HERC2: variants seen among roughly 807,000 people sequenced by gnomAD.
The protein encoded by HERC2 is HECT and RLD domain containing E3 ubiquitin protein ligase 2.
Under a neutral mutation model 537.7 loss-of-function variants are expected in HERC2, and 102 were observed. That is an observed-to-expected ratio of 0.19 (90% CI 0.16 to 0.22). The LOEUF (loss-of-function observed/expected upper bound fraction) is 0.22. Among genes scored for constraint, HERC2 ranks in the 10% least tolerant of loss-of-function variants. HERC2 has a pLI of 1.00. For missense variants in HERC2, 4,236 were observed against 6,198.2 expected (o/e 0.68, Z 10.63); for synonymous variants, 2,224 against 2,466.2 (o/e 0.90, Z 2.91).
chr15:28,288,260 T>A (rs1238929051), intron 4 of HERC2, among the ~76,000 whole-genome samples: 2 of 152,092 alleles, frequency 1.3e-5, no homozygotes, highest in East Asian at 3.9e-4. Context: ...AAAACTTTTT[T>A]CTGGCCAGCC....
chr15:28,223,519 C>T (rs895605012), intron 35 of HERC2, among the ~76,000 whole-genome samples: 1 of 152,050 alleles, frequency 6.6e-6, no homozygotes, highest in Non-Finnish European at 1.5e-5. Flanking sequence ...CTTTAGGGCC[C>T]CCAGGAAGGG....
intron 59 of HERC2, 93 bp downstream of exon 59, chr15:28,178,794 G>A (rs2140168896): frequency 7.5e-7 from 1 of 1,333,120 alleles, no homozygotes; most frequent in South Asian, 1.6e-5. Context: ...AAAAACTTAA[G>A]AAAGAATGTA....
At position 28,111,485 on chromosome 15, in the gene HERC2, A is replaced by C; in HGVS notation, c.*278T>G. ...GGATGCTGCAATTTGGTATTTATATAAACATTTACACACTTTAGTAAACAC... is the reference window on the plus strand; with the variant it reads ...GGATGCTGCAATTTGGTATTTATATCAACATTTACACACTTTAGTAAACAC... On this transcript the variant is annotated 3_prime_UTR_variant, in exon 93 of 93. Coordinates refer to ENST00000261609, the MANE Select transcript of HERC2 (RefSeq NM_004667.6). The C allele has an allele frequency of 2.4e-6, 1 of 413,990 alleles. No individual in the cohort carries two copies. The highest frequency in any genetic ancestry group is 8.8e-5 in the South Asian group (1 of 11,364). The allele number at this position is 413,990 out of a possible 1,614,324, so 25.6% of individuals were successfully genotyped here. A position where few individuals can be genotyped will look rare whatever the true frequency, so the allele number is the denominator to read the frequency against.
chr15:28,218,190 G>T (rs1261118139), intron 38 of HERC2, among the ~76,000 whole-genome samples: 1 of 151,594 alleles, frequency 6.6e-6, no homozygotes, highest in East Asian at 1.9e-4. Flanking sequence ...GGCAGAGATA[G>T]GGGTGACACC....
intron 38 of HERC2, 55 bp from the exon 39 acceptor site, chr15:28,215,857 A>G (rs1899842336): frequency 1.4e-5 from 15 of 1,080,550 alleles, no homozygotes; most frequent in South Asian, 1.1e-4. Context: ...ACAAATCCCT[A>G]AAGATATATC....
intron 2 of HERC2, among the ~76,000 whole-genome samples, chr15:28,319,927 G>C (rs1167643759): frequency 1.3e-5 from 2 of 152,168 alleles, no homozygotes; most frequent in Non-Finnish European, 2.9e-5. Context: ...CAGGATTTCA[G>C]AAATATGAAA....
rs754762182 is a variant in HERC2 at position 28,265,704 on chromosome 15, A to G, written c.1784T>C (p.Met595Thr). 6.2e-7 allele frequency: 1 copy of G among 1,614,216 alleles called. No homozygotes were observed. The highest frequency in any genetic ancestry group is 2.2e-5 in the East Asian group (1 of 44,872). The change falls in exon 14 of 93, where the codon ATG becomes ACG. Residue 595 changes from methionine to threonine, a missense_variant. By Grantham distance (81) the Met-to-Thr change is moderately conservative. Coordinates refer to ENST00000261609, the MANE Select transcript of HERC2 (RefSeq NM_004667.6). This position sits in a 1 kb window ranked among gnomAD's most constrained non-coding sequence, Gnocchi z 4.0. ...HGSSEDEAIP[M>T]LVAGLKGLKV... is the part of the protein sequence containing the mutation. ...CAGTCCTTTAAGCCCGGCTACCAGC[A>G]TCGGAATGGCCTCGTCCTCACTGGA...
Position 28,257,069 on chromosome 15 carries a change from G to C in HERC2, c.2509C>G (p.Arg837Gly). The change falls in exon 17 of 93, where the codon CGA becomes GGA. Residue 837 changes from arginine to glycine, a missense_variant. This residue lies in a region of HERC2 where 754 missense variants were observed against 1,085.0 expected (regional missense o/e 0.69). Transcript: ENST00000261609. The stretch of plus-strand genomic sequence containing the variant: ...AGGGAAATCATGAATACCTGAAGTC[G>C]TAGAAGATTCAGCGTTGCCACGGCC... ...CVAVATLNLL[R>G]LQLHAAISHQ... The C allele has an allele frequency of 6.2e-7, 1 of 1,613,180 alleles. No homozygotes were observed. The highest frequency in any genetic ancestry group is 8.5e-7 in the Non-Finnish European group (1 of 1,179,168).
intron 69 of HERC2, among the ~76,000 whole-genome samples, chr15:28,161,078 G>A (rs1031365226): frequency 6.6e-6 from 1 of 152,172 alleles, no homozygotes; most frequent in Non-Finnish European, 1.5e-5. Flanking sequence ...AATAGCAGAT[G>A]AAGAAATAAC....
intron 65 of HERC2, 74 bp from the exon 66 acceptor site, chr15:28,169,729 C>T: frequency 8.3e-6 from 12 of 1,440,650 alleles, no homozygotes; most frequent in Non-Finnish European, 1.1e-5. Flanking sequence ...TCTGACCTTA[C>T]AGGTTAGTTC....
intron 2 of HERC2, chr15:28,312,970 A>G (rs1216688073): frequency 6.3e-6 from 1 of 159,110 alleles, no homozygotes; most frequent in Non-Finnish European, 1.4e-5. Context: ...ACTAAACTGA[A>G]GCTCAGAAGG....
At chr15:28,314,388 A>G (rs2077026092) in intron 2 of HERC2, among the ~76,000 whole-genome samples, 2 of 152,222 alleles carry the variant, frequency 1.3e-5, no homozygotes, top group South Asian at 4.1e-4. Flanking sequence ...AAAGTGAGAC[A>G]AGGAGATCAA....
At chr15:28,130,804 C>G (rs1890031491) in intron 81 of HERC2, among the ~76,000 whole-genome samples, 1 of 152,246 alleles carries the variant, frequency 6.6e-6, no homozygotes, top group African/African-American at 2.4e-5. Context: ...CGTTGGCACA[C>G]TGTGGCCCGG....
chr15:28,242,907 T>C (rs1206065602), intron 23 of HERC2, among the ~76,000 whole-genome samples: 1 of 152,176 alleles, frequency 6.6e-6, no homozygotes, highest in African/African-American at 2.4e-5. Context: ...ATCCTTAAGA[T>C]TCAAAAGTAC....
chr15:28,129,974 C>T (rs1186848555), intron 83 of HERC2, among the ~76,000 whole-genome samples, 189 bp downstream of exon 83: 1 of 152,082 alleles, frequency 6.6e-6, no homozygotes, highest in African/African-American at 2.4e-5. Flanking sequence ...TGATGTTTAC[C>T]GTGTAGGCCA....
In HERC2 at chr15:28,111,784, T is replaced by A; in HGVS notation, c.14484A>T (p.Gln4828His). The A allele has an allele frequency of 6.2e-7, 1 of 1,614,216 alleles. No individual in the cohort carries two copies. The highest frequency in any genetic ancestry group is 8.5e-7 in the Non-Finnish European group (1 of 1,180,018). ...CATCTTAGTGTCCTGTTAAATAATC[T>A]TGTGTAGAGTCCGAAGCAAAGGAGT... ...DVDSFASDST[Q>H]DYLTGH Residue 4828 changes from glutamine to histidine, a missense_variant, in exon 93 of 93, where the codon CAA (glutamine) becomes CAT (histidine). Around this residue, in one of 27 missense-constraint regions of HERC2, gnomAD observed 313 missense variants for 462.6 expected, o/e 0.68. Coordinates refer to ENST00000261609, the MANE Select transcript of HERC2 (RefSeq NM_004667.6).
At chr15:28,147,817 C>T (rs1891923394) in intron 70 of HERC2, among the ~76,000 whole-genome samples, 1 of 152,126 alleles carries the variant, frequency 6.6e-6, no homozygotes, top group African/African-American at 2.4e-5. Context: ...GGGAGGACTG[C>T]TTGAGCCCAG....
chr15:28,309,975 T>C (rs2076895475), intron 2 of HERC2, among the ~76,000 whole-genome samples: 1 of 152,136 alleles, frequency 6.6e-6, no homozygotes, highest in Non-Finnish European at 1.5e-5. Flanking sequence ...TTGGTAAAAA[T>C]TATCAGCTGG....
At chr15:28,296,573 A>T (rs1334584031) in intron 3 of HERC2, among the ~76,000 whole-genome samples, 1 of 152,076 alleles carries the variant, frequency 6.6e-6, no homozygotes, top group Admixed American at 6.6e-5. Flanking sequence ...CACCTTTTAG[A>T]ACTATTGTTT....
Sources: gnomAD v4.1 joint callset for allele counts (sites outside exome capture counted in the v4.1 genomes callset) on GRCh38, gnomAD v4.1.1 for gene constraint, gnomAD v4.1.1 regional missense constraint, Gnocchi (gnomAD v3.1) non-coding constraint, MANE v1.5 for transcripts, NCBI Gene and HGNC (gene_info 2026-07-23, HGNC 2026-07-21) for gene names.